ANK2: variants seen among roughly 807,000 people sequenced by gnomAD.
The protein encoded by ANK2 is ankyrin-2.
A neutral mutation model predicts 360.5 loss-of-function variants in ANK2; 83 were observed. That is an observed-to-expected ratio of 0.23 (90% confidence interval 0.19 to 0.28). The LOEUF (loss-of-function observed/expected upper bound fraction) is 0.28. Ranked by LOEUF, ANK2 falls within the 10% of genes least tolerant of loss-of-function variation. ANK2 has a pLI of 1.00. For synonymous variants in ANK2, 1,740 were observed against 1,759.5 expected, an observed-to-expected ratio of 0.99 and a Z score of 0.28; for missense variants, 4,201 against 4,795.7, an observed-to-expected ratio of 0.88 and a Z score of 3.66.
In ANK2 at chr4:113,146,138, C is replaced by T; in HGVS notation, c.85-28278C>T. 1.8e-5 allele frequency: 17 copies of T among 966,400 alleles called. 1 individual carries two copies. Among genetic ancestry groups the T allele is most frequent in the Middle Eastern group, 3.5e-4 (1 of 2,832 alleles). 59.9% of individuals were successfully genotyped at this position (966,400 alleles called of 1,614,324 possible). On this transcript the variant is annotated intron_variant, in intron 1 of 45. Coordinates refer to ENST00000357077, the MANE Select transcript of ANK2 (RefSeq NM_001148.6). ...AAGCCAATGTGATCAAACCACCTGA[C>T]TACCTCTGATCAAGTGGCATGCTTT...
intron 2 of ANK2, among the ~76,000 whole-genome samples, chr4:112,916,476 G>A (rs2151098154): frequency 6.6e-6 from 1 of 152,212 alleles, no homozygotes; most frequent in East Asian, 1.9e-4. Flanking sequence ...GTAAAAATTT[G>A]AATAATCAAT....
intron 14 of ANK2, among the ~76,000 whole-genome samples, chr4:113,273,794 T>C (rs145744457): frequency 6.6e-6 from 1 of 152,372 alleles, no homozygotes; most frequent in Non-Finnish European, 1.5e-5. Context: ...CTATATCCTC[T>C]GTTTTTAATG....
chr4:113,045,911 A>G (rs969946865), upstream of ANK2, among the ~76,000 whole-genome samples: 1 of 152,212 alleles, frequency 6.6e-6, no homozygotes, highest in African/African-American at 2.4e-5. Context: ...AGTACTGAAA[A>G]TGTTTCTTTA....
At chr4:113,187,323 T>C (rs1297346476) in intron 2 of ANK2, among the ~76,000 whole-genome samples, 3 of 152,226 alleles carry the variant, frequency 2.0e-5, no homozygotes, top group Non-Finnish European at 4.4e-5. Flanking sequence ...TATCAGAAAG[T>C]TGAGAATATA....
chr4:112,974,047 G>T (rs2040513067), intron 2 of ANK2, among the ~76,000 whole-genome samples: 1 of 152,200 alleles, frequency 6.6e-6, no homozygotes, highest in Admixed American at 6.5e-5. Context: ...GTCAGCTTTT[G>T]ATTTGTAGTG....
At chr4:113,322,609 C>G (rs2086893783) in intron 26 of ANK2, among the ~76,000 whole-genome samples, 1 of 152,096 alleles carries the variant, frequency 6.6e-6, no homozygotes, top group African/African-American at 2.4e-5. Context: ...AGTCAAATGC[C>G]AACAATTAAA....
intron 2 of ANK2, among the ~76,000 whole-genome samples, chr4:113,030,032 T>C (rs1040274594): frequency 2.6e-5 from 4 of 152,110 alleles, no homozygotes; most frequent in African/African-American, 9.7e-5. Flanking sequence ...TTATATTTAT[T>C]ATCTAAAACA....
chr4:113,115,622 T>C (rs1423280481), intron 1 of ANK2, among the ~76,000 whole-genome samples: 1 of 152,168 alleles, frequency 6.6e-6, no homozygotes, highest in Non-Finnish European at 1.5e-5. Flanking sequence ...AAAGGAAAAA[T>C]GATAAATTAT....
chr4:113,207,686 C>CAAAAAAAAAAAAAAAA (rs34818513), intron 4 of ANK2, among the ~76,000 whole-genome samples: 8 of 101,620 alleles, frequency 7.9e-5, no homozygotes, highest in East Asian at 2.9e-4. Context: ...GATCACAAAG[C>CAAAAAAAAAAAAAAAA]AAAAAAAAAA....
chr4:113,263,660 T>G (rs1034955658), intron 13 of ANK2, among the ~76,000 whole-genome samples: 1 of 152,242 alleles, frequency 6.6e-6, no homozygotes, highest in South Asian at 2.1e-4. Context: ...TCTCTGCAGT[T>G]TGTCAATTAC....
At position 113,330,523 on chromosome 4, in the gene ANK2, T is replaced by C. The variant is rs933097600; in HGVS notation, c.3125+53T>C. 17 of 1,564,574 alleles carry C rather than the reference T, an allele frequency of 1.1e-5. No individual in the cohort carries two copies. In the African/African-American group the frequency reaches 1.5e-4, roughly 14 times the overall value. ...TAGTCATCGATGAGCTTGTGTCCTC[T>C]ACATGAAATCACTAGGATGGAATGG... On this transcript the variant is annotated intron_variant, in intron 27 of 45. Transcript: ENST00000357077.
rs773189867 is a variant in ANK2 at position 113,357,390 on chromosome 4, C to A, written c.8772C>A (p.Ile2924=). The change falls in exon 38 of 46, where the codon ATC becomes ATA. Residue 2924 remains isoleucine, a synonymous_variant. Coordinates refer to ENST00000357077, the MANE Select transcript of ANK2 (RefSeq NM_001148.6). The stretch of plus-strand genomic sequence containing the variant: ...ATGATGAAATCTATGATCCACAAAT[C>A]ACTAGCCCTTATGAAAATGTCCCTT... ...AENDEIYDPQ[I]TSPYENVPSQ... 60 of 1,613,898 alleles carry A rather than the reference C, an allele frequency of 3.7e-5. No individual in the cohort carries two copies. Among genetic ancestry groups the A allele is most frequent in the Non-Finnish European group, 5.1e-5 (60 of 1,179,962 alleles).
chr4:113,044,248 G>A (rs947290712), intron 2 of ANK2, among the ~76,000 whole-genome samples: 1 of 152,164 alleles, frequency 6.6e-6, no homozygotes, highest in South Asian at 2.1e-4. Context: ...AAGGGAATAA[G>A]AAGGACTCTG....
chr4:113,010,458 C>T (rs922876119), intron 2 of ANK2, among the ~76,000 whole-genome samples: 6 of 152,018 alleles, frequency 3.9e-5, no homozygotes, highest in South Asian at 2.1e-4. Context: ...ACATACTGAG[C>T]GTAGACTATG....
chr4:113,036,738 A>G (rs1021263066), intron 2 of ANK2, among the ~76,000 whole-genome samples: 15 of 151,728 alleles, frequency 9.9e-5, no homozygotes, highest in Non-Finnish European at 1.5e-4. Context: ...ATTTCTGTAC[A>G]TCTTGCAAGC....
chr4:112,721,383 T>C, the ANK2 span, among the ~76,000 whole-genome samples: 1 of 151,478 alleles, frequency 6.6e-6, no homozygotes, highest in Admixed American at 6.6e-5. Context: ...CTACTAAAAA[T>C]ACAAAAAAAT....
chr4:113,355,625 C>T lies in ANK2; in HGVS notation c.7007C>T (p.Ala2336Val), dbSNP rs61734477. The T allele has an allele frequency of 3.1e-3, 5,009 of 1,614,000 alleles. 130 individuals carry two copies. In the African/African-American group the frequency reaches 0.052, roughly 17 times the overall value. Reference sequence around the variant, plus strand: ...ACAGGCAGCTGTAGTGTAGCATTAGCTAAAGAGACACCTACAGGACTGACT... The same window carrying T: ...ACAGGCAGCTGTAGTGTAGCATTAGTTAAAGAGACACCTACAGGACTGACT... ...DCTGSCSVAL[A>V]KETPTGLTEE... The change falls in exon 38 of 46, where the codon GCT becomes GTT. Residue 2336 changes from alanine to valine, a missense_variant. This residue lies in a region of ANK2 where 2,642 missense variants were observed against 2,714.5 expected (regional missense o/e 0.97). Transcript: ENST00000357077.
intron 42 of ANK2, among the ~76,000 whole-genome samples, chr4:113,368,186 T>G (rs1409979191): frequency 1.3e-5 from 2 of 152,200 alleles, no homozygotes; most frequent in Non-Finnish European, 2.9e-5. Flanking sequence ...TATGAAAGCT[T>G]CATCTAAACT....
chr4:112,923,739 G>A (rs557727359), intron 2 of ANK2, among the ~76,000 whole-genome samples: 77 of 151,960 alleles, frequency 5.1e-4, no homozygotes, highest in African/African-American at 1.7e-3. Context: ...AAATAGTATT[G>A]GTCACTTTTA....
Sources: gnomAD v4.1 joint callset for allele counts (sites outside exome capture counted in the v4.1 genomes callset) on GRCh38, gnomAD v4.1.1 for gene constraint, gnomAD v4.1.1 regional missense constraint, MANE v1.5 for transcripts, NCBI Gene and HGNC (gene_info 2026-07-23, HGNC 2026-07-21) for gene names.